Variants in PTPN2 observed in about 807,000 individuals in gnomAD.
The protein encoded by PTPN2 is protein tyrosine phosphatase non-receptor type 2.
A neutral mutation model predicts 57.3 loss-of-function variants in PTPN2; 19 were observed. The ratio of observed to expected loss-of-function variants is 0.33; its 90% CI spans 0.23 to 0.49. The LOEUF is 0.49. Ranked by LOEUF, PTPN2 falls within the 20% of genes least tolerant of loss-of-function variation. The pLI, the probability that PTPN2 is intolerant of heterozygous loss-of-function variation, is 0.99. For missense variants in PTPN2, 358 were observed against 501.1 expected (o/e 0.71, Z 2.73); for synonymous variants, 153 against 164.9 (o/e 0.93, Z 0.55).
intron 1 of PTPN2, among the ~76,000 whole-genome samples, chr18:12,861,460 TTAGTTACTACAGCTTTG>T (rs1334399361): frequency 1.3e-5 from 2 of 152,188 alleles, no homozygotes; most frequent in Non-Finnish European, 2.9e-5. Context: ...GTATCAAATT[TTAGTTACTACAGCTTTG>T]TAATCAATGC....
intron 1 of PTPN2, among the ~76,000 whole-genome samples, chr18:12,882,496 A>G (rs2044696182): frequency 6.6e-6 from 1 of 152,248 alleles, no homozygotes; most frequent in Non-Finnish European, 1.5e-5. Context: ...AGCTGAATTA[A>G]GTTATATTCA....
intron 1 of PTPN2, among the ~76,000 whole-genome samples, chr18:12,880,921 A>G (rs1407740748): frequency 6.6e-6 from 1 of 152,224 alleles, no homozygotes; most frequent in East Asian, 1.9e-4. Context: ...TCTCGCAGGT[A>G]CCTCAAACAG....
At chr18:12,801,284 G>A (rs977596954) in intron 8 of PTPN2, among the ~76,000 whole-genome samples, 13 of 151,998 alleles carry the variant, frequency 8.6e-5, no homozygotes, top group Admixed American at 5.9e-4. Context: ...AGGCTGAGGC[G>A]GGTGGATGAC....
intron 1 of PTPN2, among the ~76,000 whole-genome samples, chr18:12,861,521 C>T (rs757196044): frequency 2.6e-5 from 4 of 152,258 alleles, no homozygotes; most frequent in Non-Finnish European, 5.9e-5. Flanking sequence ...ATTTATTCTC[C>T]CCATTTGCAT....
At chr18:12,826,275 C>T (rs866544856) in intron 4 of PTPN2, among the ~76,000 whole-genome samples, 44 of 152,198 alleles carry the variant, frequency 2.9e-4, no homozygotes, top group South Asian at 1.0e-3. Context: ...CGATGGCGGG[C>T]GCCTGTAATC....
chr18:12,859,126 CA>C, intron 2 of PTPN2, 37 bp downstream of exon 2: 1 of 1,554,242 alleles, frequency 6.4e-7, no homozygotes, highest in East Asian at 2.2e-5. Context: ...TAAAACAAAC[CA>C]AAAAATACAC....
At chr18:12,813,005 C>T (rs2041947037) in intron 7 of PTPN2, among the ~76,000 whole-genome samples, 2 of 132,398 alleles carry the variant, frequency 1.5e-5, no homozygotes, top group African/African-American at 2.8e-5. Context: ...TATTCTAAAA[C>T]TAAAGACACA....
chr18:12,828,965 A>T (rs576541706), intron 4 of PTPN2, among the ~76,000 whole-genome samples: 3 of 152,140 alleles, frequency 2.0e-5, no homozygotes, highest in African/African-American at 7.2e-5. Flanking sequence ...TGGCACGACC[A>T]TAGCTAACTG....
chr18:12,819,885 T>C (rs2145328923), intron 5 of PTPN2, among the ~76,000 whole-genome samples: 1 of 152,270 alleles, frequency 6.6e-6, no homozygotes, highest in Non-Finnish European at 1.5e-5. Context: ...CCAGTGGATG[T>C]TAATAACCCA....
At chr18:12,849,888 T>A (rs1015222564) in intron 2 of PTPN2, among the ~76,000 whole-genome samples, 9 of 152,180 alleles carry the variant, frequency 5.9e-5, no homozygotes, top group Admixed American at 5.9e-4. Context: ...AAATCATATT[T>A]ACTGCCATAA....
intron 2 of PTPN2, among the ~76,000 whole-genome samples, chr18:12,842,058 C>T (rs1483154029): frequency 6.6e-6 from 1 of 152,158 alleles, no homozygotes; most frequent in Non-Finnish European, 1.5e-5. Context: ...AGGCATGTGC[C>T]ACCACGCCCA....
intron 5 of PTPN2, among the ~76,000 whole-genome samples, chr18:12,818,781 G>T (rs1171441877): frequency 2.0e-5 from 3 of 151,888 alleles, no homozygotes; most frequent in Non-Finnish European, 4.4e-5. Flanking sequence ...AAAATTAGAA[G>T]TTAGCTTTCG....
chr18:12,835,382 CTTTTT>C lies in PTPN2; in HGVS notation c.261+1404_261+1408del, dbSNP rs60239177. On this transcript the variant is annotated intron_variant, in intron 3 of 8. Transcript: ENST00000309660. The stretch of plus-strand genomic sequence containing the variant: ...CTGCAATGAACATGATCACATATGT[CTTTTT>C]TTTTTTTTTGGACAGTTTTGCTCTT... Among the ~76,000 whole-genome samples, 36 of 99,020 alleles carry C rather than the reference CTTTTT, an allele frequency of 3.6e-4. 2 individuals carry two copies. The highest frequency in any genetic ancestry group is 2.8e-3 in the East Asian group (8 of 2,906). The allele number at this position is 99,020 out of a possible 152,430, so 65.0% of individuals were successfully genotyped here. A position where few individuals can be genotyped will look rare whatever the true frequency, so the allele number is the denominator to read the frequency against.
chr18:12,789,928 G>T (rs927760259), downstream of PTPN2, among the ~76,000 whole-genome samples: 1 of 151,160 alleles, frequency 6.6e-6, no homozygotes, highest in Admixed American at 6.6e-5. Context: ...AGAGAGAGAG[G>T]GAGAGAGAGA....
chr18:12,813,116 G>A (rs1479266138), intron 7 of PTPN2, among the ~76,000 whole-genome samples: 2 of 152,166 alleles, frequency 1.3e-5, no homozygotes, highest in East Asian at 3.8e-4. Flanking sequence ...GAAGCAGGCA[G>A]GGAAGGCGGC....
At chr18:12,858,856 A>G (rs530085496) in intron 2 of PTPN2, among the ~76,000 whole-genome samples, 35 of 152,368 alleles carry the variant, frequency 2.3e-4, no homozygotes, top group African/African-American at 7.9e-4. Context: ...AAGGAAATAC[A>G]TATGGATATT....
chr18:12,874,028 G>A (rs1161561109), intron 1 of PTPN2, among the ~76,000 whole-genome samples: 3 of 151,514 alleles, frequency 2.0e-5, no homozygotes, highest in Non-Finnish European at 4.4e-5. Context: ...CCCCGTCTGA[G>A]AAGTGAGGAG....
chr18:12,853,477 T>C (rs2043466018), intron 2 of PTPN2, among the ~76,000 whole-genome samples: 2 of 152,130 alleles, frequency 1.3e-5, no homozygotes, highest in South Asian at 2.1e-4. Flanking sequence ...GACTATCAGT[T>C]GGAAAAGGTA....
chr18:12,854,138 T>C (rs886788231), intron 2 of PTPN2, among the ~76,000 whole-genome samples: 1 of 151,950 alleles, frequency 6.6e-6, no homozygotes, highest in Non-Finnish European at 1.5e-5. Flanking sequence ...GCAGGTGGAC[T>C]ACATGAGTCC....
Sources: allele counts gnomAD v4.1 joint callset (sites outside exome capture counted in the v4.1 genomes callset), GRCh38; gene constraint gnomAD v4.1.1; transcripts MANE v1.5; gene names NCBI Gene and HGNC (gene_info 2026-07-23, HGNC 2026-07-21).